The following IQGAP2 variants were observed in gnomAD, a reference collection of about 807,000 sequenced individuals.
IQGAP2 encodes the protein IQ motif containing GTPase activating protein 2.
In IQGAP2, 173 loss-of-function variants were observed where a neutral mutation model predicts 201.3. The observed-to-expected ratio is 0.86, with a 90% CI of 0.76 to 0.98. The LOEUF (loss-of-function observed/expected upper bound fraction) is 0.98, where lower values mean the gene tolerates loss of function less well. IQGAP2 is among the 50% of genes least tolerant of loss of function. IQGAP2 has a pLI of 0.00. For missense variants in IQGAP2, 1,687 were observed against 1,864.8 expected (o/e 0.90, Z 1.76); for synonymous variants, 675 against 673.9 (o/e 1.00, Z -0.03).
chr5:76,450,358 A>C (rs1365716497), intron 1 of IQGAP2, among the ~76,000 whole-genome samples: 1 of 152,204 alleles, frequency 6.6e-6, no homozygotes, highest in African/African-American at 2.4e-5. Context: ...AAATGTTTGC[A>C]CTAATATAAT....
chr5:76,416,765 A>G (rs1303189334), intron 1 of IQGAP2, among the ~76,000 whole-genome samples: 3 of 151,814 alleles, frequency 2.0e-5, no homozygotes, highest in African/African-American at 7.3e-5. Flanking sequence ...TGACCTCGTG[A>G]TCCGCCCACC....
intron 2 of IQGAP2, among the ~76,000 whole-genome samples, chr5:76,485,984 G>A (rs146290750): frequency 2.0e-5 from 3 of 151,972 alleles, no homozygotes; most frequent in East Asian, 3.9e-4. Flanking sequence ...TTTAATTTTT[G>A]TAAAAACTTG....
chr5:76,415,942 C>CAAAAAAAA (rs11394699), intron 1 of IQGAP2, among the ~76,000 whole-genome samples: 1 of 135,722 alleles, frequency 7.4e-6, no homozygotes, highest in African/African-American at 2.7e-5. Context: ...GTAACTGTCT[C>CAAAAAAAA]AAAAAAAAAA....
chr5:76,681,262 A>G (rs992808146), intron 28 of IQGAP2, among the ~76,000 whole-genome samples: 2 of 152,140 alleles, frequency 1.3e-5, no homozygotes, highest in Admixed American at 6.6e-5. Context: ...ACATCAAAGG[A>G]CATAATCAAC....
At chr5:76,479,177 T>C (rs1290497455) in intron 2 of IQGAP2, among the ~76,000 whole-genome samples, 1 of 152,140 alleles carries the variant, frequency 6.6e-6, no homozygotes, top group African/African-American at 2.4e-5. Context: ...TTATGGTAGC[T>C]TTCTCCATGT....
At chr5:76,495,680 C>T (rs1407885611) in intron 2 of IQGAP2, among the ~76,000 whole-genome samples, 1 of 152,178 alleles carries the variant, frequency 6.6e-6, no homozygotes, top group Non-Finnish European at 1.5e-5. Context: ...CTTGCATCTG[C>T]TTCTGGAGAG....
At chr5:76,521,981 A>G (rs1758706817) in intron 2 of IQGAP2, among the ~76,000 whole-genome samples, 1 of 152,148 alleles carries the variant, frequency 6.6e-6, no homozygotes. Flanking sequence ...CAGAATCTCT[A>G]TAAAATCATA....
chr5:76,436,105 T>A (rs1395815547), intron 1 of IQGAP2, among the ~76,000 whole-genome samples: 1 of 152,188 alleles, frequency 6.6e-6, no homozygotes, highest in Admixed American at 6.6e-5. Context: ...TTTTCAAATC[T>A]AGAAGTCTTT....
At chr5:76,674,855 G>A (rs978557381) in intron 27 of IQGAP2, 146 bp downstream of exon 27, 2 of 640,482 alleles carry the variant, frequency 3.1e-6, no homozygotes, top group African/African-American at 3.7e-5. Flanking sequence ...TGGGGAAAGA[G>A]GAGAGAGGGA....
intron 13 of IQGAP2, chr5:76,615,570 G>A (rs2150350771): frequency 6.6e-6 from 1 of 152,238 alleles, no homozygotes; most frequent in East Asian, 1.9e-4. Flanking sequence ...AGTCATCTCA[G>A]GAATCTTTTA....
At chr5:76,572,791 G>A (rs1745206679) in intron 4 of IQGAP2, among the ~76,000 whole-genome samples, 1 of 152,138 alleles carries the variant, frequency 6.6e-6, no homozygotes, top group South Asian at 2.1e-4. Context: ...GAGGTCAAGA[G>A]GATAAGCTAC....
rs1179243838 is a variant in IQGAP2 at position 76,693,394 on chromosome 5, A to G, written c.3945A>G (p.Pro1315=). Reference sequence around the variant, plus strand: ...TAATTGATGTGATCCGGAACCAGCCAGGGAACACATTGACAGAAATCTTAG... The same window carrying G: ...TAATTGATGTGATCCGGAACCAGCCGGGGAACACATTGACAGAAATCTTAG... The part of the protein sequence containing the change: ...KLIIDVIRNQ[P]GNTLTEILET... Residue 1315 remains proline (P), a synonymous_variant, in exon 31 of 36, where the codon CCA becomes CCG. Transcript: ENST00000274364. 3 of 1,613,852 alleles carry G rather than the reference A, an allele frequency of 1.9e-6. No individual in the cohort carries two copies. The highest frequency in any genetic ancestry group is 2.5e-6 in the Non-Finnish European group (3 of 1,179,864).
At chr5:76,609,111 A>G in intron 12 of IQGAP2, 3 of 1,535,742 alleles carry the variant, frequency 2.0e-6, no homozygotes, top group Non-Finnish European at 2.6e-6. Context: ...TTGTATTCTT[A>G]GAAACGCAGC....
rs1233498293 is a variant in IQGAP2 at position 76,592,160 on chromosome 5, A to G, written c.820-678A>G. Among the ~76,000 whole-genome samples, 4 of 152,140 alleles carry G rather than the reference A, an allele frequency of 2.6e-5. No homozygotes were observed. The East Asian group carries it at 7.7e-4, about 29-fold the overall frequency. On this transcript the variant is annotated intron_variant, in intron 8 of 35. Transcript: ENST00000274364. ...GAGGTTACAAAACTGATCTTTAACT[A>G]CAAATCTTGTGTTAACCCACCAGAG...
At chr5:76,518,868 G>A (rs1057176214) in intron 2 of IQGAP2, among the ~76,000 whole-genome samples, 2 of 152,086 alleles carry the variant, frequency 1.3e-5, no homozygotes, top group African/African-American at 4.8e-5. Context: ...CAGTGTTAAC[G>A]TTAGTAAATT....
At chr5:76,615,206 A>C (rs899329258) in intron 13 of IQGAP2, among the ~76,000 whole-genome samples, 2 of 152,230 alleles carry the variant, frequency 1.3e-5, no homozygotes, top group Non-Finnish European at 2.9e-5. Context: ...TGCTCCTTGT[A>C]TATACCATAA....
rs116289500 is a variant in IQGAP2 at position 76,506,715 on chromosome 5, A to G, written c.146+45046A>G. 3.9e-3 allele frequency among the ~76,000 whole-genome samples: 588 copies of G among 152,360 alleles called. 2 individuals carry two copies. The highest frequency in any genetic ancestry group is 0.013 in the African/African-American group (530 of 41,582). On this transcript the variant is annotated intron_variant, in intron 2 of 35. Coordinates refer to ENST00000274364, the MANE Select transcript of IQGAP2 (RefSeq NM_006633.5). The stretch of plus-strand genomic sequence containing the variant: ...GAATACATAAGTAAATCACATTCCT[A>G]TATATTAGCAATGAACAAGTAGAAT...
chr5:76,694,491 G>A (rs1210719763), intron 31 of IQGAP2, among the ~76,000 whole-genome samples: 1 of 152,176 alleles, frequency 6.6e-6, no homozygotes, highest in Non-Finnish European at 1.5e-5. Context: ...TCCTAGGTGT[G>A]TAACTCTGTG....
chr5:76,405,974 T>C lies in IQGAP2; in HGVS notation c.46+2383T>C, dbSNP rs1213455538. 5.3e-5 allele frequency among the ~76,000 whole-genome samples: 8 copies of C among 152,364 alleles called. No individual in the cohort carries two copies. The South Asian group carries it at 1.2e-3, about 24-fold the overall frequency. On this transcript the variant is annotated intron_variant, in intron 1 of 35. Transcript: ENST00000274364. ...AGTGCTGAACGTTCTGAGTATAAGA[T>C]GTTTGAGACTGGGCTTTAAACACAA...
Sources: gnomAD v4.1 joint callset for allele counts (sites outside exome capture counted in the v4.1 genomes callset) on GRCh38, gnomAD v4.1.1 for gene constraint, MANE v1.5 for transcripts, NCBI Gene and HGNC (gene_info 2026-07-23, HGNC 2026-07-21) for gene names.